SLC29A1: variants seen among roughly 807,000 people sequenced by gnomAD.
SLC29A1 encodes the protein equilibrative nucleoside transporter 1.
A neutral mutation model predicts 48.3 loss-of-function variants in SLC29A1; 22 were observed. The observed-to-expected ratio is 0.46, with a 90% CI of 0.33 to 0.65. The LOEUF (loss-of-function observed/expected upper bound fraction) is 0.65, where lower values mean the gene tolerates loss of function less well. SLC29A1 is among the 30% of genes least tolerant of loss of function. SLC29A1 has a pLI of 0.03. For synonymous variants in SLC29A1, 228 were observed against 231.0 expected (o/e 0.99, Z 0.12); for missense variants, 491 against 575.3 (o/e 0.85, Z 1.50).
intron 9 of SLC29A1, among the ~76,000 whole-genome samples, chr6:44,231,692 A>G (rs1778926074): frequency 6.6e-6 from 1 of 151,964 alleles, no homozygotes; most frequent in Non-Finnish European, 1.5e-5. Flanking sequence ...GCAATGGTGC[A>G]ATCTCCACTC....
intron 1 of SLC29A1, among the ~76,000 whole-genome samples, chr6:44,224,826 G>C (rs912491259): frequency 6.6e-6 from 1 of 152,214 alleles, no homozygotes; most frequent in African/African-American, 2.4e-5. Flanking sequence ...AGGGACACCA[G>C]ATGCTCTGAG....
At chr6:44,224,915 A>G (rs780173112) in intron 1 of SLC29A1, among the ~76,000 whole-genome samples, 20 of 152,176 alleles carry the variant, frequency 1.3e-4, no homozygotes, top group Non-Finnish European at 2.1e-4. Flanking sequence ...GAATGTTAGG[A>G]TATGGGCAGG....
chr6:44,226,395 C>T (rs887019015), intron 1 of SLC29A1, among the ~76,000 whole-genome samples: 2 of 152,000 alleles, frequency 1.3e-5, no homozygotes, highest in Non-Finnish European at 2.9e-5. Context: ...CTTTGGGATC[C>T]ACCCCTCCAA....
At chr6:44,221,095 G>A (rs1481718915), upstream of SLC29A1, among the ~76,000 whole-genome samples, 1 of 152,060 alleles carries the variant, frequency 6.6e-6, no homozygotes, top group Admixed American at 6.6e-5. The surrounding 1 kb of genome is among the most constrained non-coding windows in gnomAD (Gnocchi z 4.2). Context: ...TGTTGCCCAG[G>A]CTAGTCTTGA....
At chr6:44,221,532 GTGTAGA>G (rs1444297624), upstream of SLC29A1, 5 of 950,710 alleles carry the variant, frequency 5.3e-6, no homozygotes, top group Admixed American at 1.2e-4. The surrounding 1 kb of genome is among the most constrained non-coding windows in gnomAD (Gnocchi z 4.2). Flanking sequence ...GGTGAATAAG[GTGTAGA>G]GTAGAGGTGC....
upstream of SLC29A1, chr6:44,219,854 C>A: frequency 9.3e-7 from 1 of 1,070,052 alleles, no homozygotes; most frequent in Non-Finnish European, 1.2e-6. Context: ...CGTTCTCACG[C>A]TGCCGGGCGG....
chr6:44,222,911 C>A (rs1167831048), upstream of SLC29A1, among the ~76,000 whole-genome samples: 1 of 152,224 alleles, frequency 6.6e-6, no homozygotes, highest in Non-Finnish European at 1.5e-5. Context: ...TTTGCCCCAC[C>A]CCCCTCCGCG....
At chr6:44,222,913 C>G (rs1045245069), upstream of SLC29A1, among the ~76,000 whole-genome samples, 3 of 152,242 alleles carry the variant, frequency 2.0e-5, no homozygotes, top group African/African-American at 4.8e-5. Flanking sequence ...TGCCCCACCC[C>G]CCTCCGCGCG....
chr6:44,232,575 A>G lies in SLC29A1; in HGVS notation c.1059+147A>G. On this transcript the variant is annotated intron_variant, in intron 11 of 12. Coordinates refer to ENST00000371755, the MANE Select transcript of SLC29A1 (RefSeq NM_001372327.1). The surrounding 1 kb of genome is among the most constrained non-coding windows in gnomAD (Gnocchi z 4.7). ...TTATGTATAGTTAAGTACAAGTCTTAAGTGTACAACTTAATGAATATATGT... is the reference window on the plus strand; with the variant it reads ...TTATGTATAGTTAAGTACAAGTCTTGAGTGTACAACTTAATGAATATATGT... 1.5e-6 allele frequency: 1 copy of G among 659,802 alleles called. No individual in the cohort carries two copies. Among genetic ancestry groups the G allele is most frequent in the Non-Finnish European group, 2.6e-6 (1 of 379,034 alleles). 40.9% of individuals were successfully genotyped at this position (659,802 alleles called of 1,614,324 possible).
intron 1 of SLC29A1, among the ~76,000 whole-genome samples, chr6:44,225,381 C>T (rs775978431): frequency 1.8e-4 from 27 of 151,958 alleles, no homozygotes; most frequent in South Asian, 1.0e-3. Flanking sequence ...TGGCAGGAGC[C>T]TGTATTCCCA....
intron 1 of SLC29A1, chr6:44,226,067 G>A (rs377588445): frequency 1.5e-5 from 15 of 982,854 alleles, no homozygotes; most frequent in African/African-American, 1.7e-5. Context: ...CCAGGAGCCC[G>A]TGGACAAGGC....
intron 1 of SLC29A1, chr6:44,225,757 G>C (rs1464412625): frequency 1.3e-5 from 2 of 152,232 alleles, no homozygotes; most frequent in South Asian, 2.1e-4. Flanking sequence ...TGAGAGCTTG[G>C]AGTTTCCCTG....
chr6:44,223,696 G>A lies in SLC29A1; in HGVS notation c.-52+55G>A. On this transcript the variant is annotated intron_variant, in intron 1 of 12. Transcript: ENST00000371755. The surrounding 1 kb of genome is among the most constrained non-coding windows in gnomAD (Gnocchi z 5.0). ...GGGGACTGCCGGGGCGGAAGACGCC[G>A]CTGCCCGCCTGCCACGGAGGGCAGG... 4 of 1,114,942 alleles carry A rather than the reference G, an allele frequency of 3.6e-6. No individual in the cohort carries two copies. The highest frequency in any genetic ancestry group is 4.2e-4 in the Middle Eastern group (1 of 2,402). 69.1% of individuals were successfully genotyped at this position (1,114,942 alleles called of 1,614,324 possible).
chr6:44,219,623 C>T, upstream of SLC29A1: 4 of 1,059,214 alleles, frequency 3.8e-6, no homozygotes, highest in Non-Finnish European at 5.0e-6. Flanking sequence ...GCCTCTCTTC[C>T]GCCCGGCGGC....
chr6:44,233,072 CAGT>C, intron 12 of SLC29A1, 66 bp downstream of exon 12: 1 of 1,506,734 alleles, frequency 6.6e-7, no homozygotes, highest in African/African-American at 1.4e-5. Flanking sequence ...GGGGGACACT[CAGT>C]AGAGGGAGGG....
At chr6:44,233,167 G>T (rs546614063) in intron 12 of SLC29A1, among the ~76,000 whole-genome samples, 161 bp downstream of exon 12, 2 of 152,314 alleles carry the variant, frequency 1.3e-5, no homozygotes, top group South Asian at 4.1e-4. Context: ...AGTGACTGTA[G>T]TGGAGGGGGG....
At chr6:44,219,958 T>C (rs1405754012), upstream of SLC29A1, among the ~76,000 whole-genome samples, 1 of 152,120 alleles carries the variant, frequency 6.6e-6, no homozygotes, top group African/African-American at 2.4e-5. Flanking sequence ...TTCTGGGCCT[T>C]CGAAGGCCAT....
Position 44,232,596 on chromosome 6 carries a change from T to C in SLC29A1, c.1059+168T>C. 1.6e-6 allele frequency: 1 copy of C among 640,800 alleles called. No individual in the cohort carries two copies. Among genetic ancestry groups the C allele is most frequent in the Non-Finnish European group, 2.7e-6 (1 of 367,522 alleles). The allele number at this position is 640,800 out of a possible 1,614,324, so 39.7% of individuals were successfully genotyped here. ...TCTTAAGTGTACAACTTAATGAATATATGTATATACACATACCTGCCCAGA... is the reference window on the plus strand; with the variant it reads ...TCTTAAGTGTACAACTTAATGAATACATGTATATACACATACCTGCCCAGA... On this transcript the variant is annotated intron_variant, in intron 11 of 12. Coordinates refer to ENST00000371755, the MANE Select transcript of SLC29A1 (RefSeq NM_001372327.1). This position sits in a 1 kb window ranked among gnomAD's most constrained non-coding sequence, Gnocchi z 4.7.
upstream of SLC29A1, among the ~76,000 whole-genome samples, chr6:44,222,724 C>T (rs80020707): frequency 6.6e-6 from 1 of 152,302 alleles, no homozygotes; most frequent in Non-Finnish European, 1.5e-5. Context: ...ACACCTTCCT[C>T]CTTAGCTAGT....
Sources: allele counts gnomAD v4.1 joint callset (sites outside exome capture counted in the v4.1 genomes callset), GRCh38; gene constraint gnomAD v4.1.1; non-coding constraint Gnocchi (gnomAD v3.1); transcripts MANE v1.5; gene names NCBI Gene and HGNC (gene_info 2026-07-23, HGNC 2026-07-21).